Variants in TRARG1 observed in about 807,000 individuals in gnomAD.
TRARG1 encodes the protein trafficking regulator of GLUT4 (SLC2A4) 1 (gene/pseudogene), also known as trafficking regulator of GLUT4 1.
A neutral mutation model predicts 13.3 loss-of-function variants in TRARG1; 16 were observed. The observed-to-expected ratio is 1.20, with a 90% confidence interval of 0.81 to 1.83. The LOEUF (loss-of-function observed/expected upper bound fraction) is 1.83. Ranked by LOEUF, TRARG1 falls within the 40% of genes most tolerant of loss-of-function variation. TRARG1 has a pLI of 0.00. For synonymous variants in TRARG1, 113 were observed against 106.2 expected (o/e 1.06, Z -0.39); for missense variants, 250 against 237.4 (o/e 1.05, Z -0.35).
At chr17:1,281,247 GA>G (rs1332254108) in intron 1 of TRARG1, among the ~76,000 whole-genome samples, 3 of 152,192 alleles carry the variant, frequency 2.0e-5, no homozygotes, top group Non-Finnish European at 4.4e-5. Flanking sequence ...AGTCCAGGAA[GA>G]AGCGAGAGTT....
intron 1 of TRARG1, among the ~76,000 whole-genome samples, chr17:1,290,336 C>T (rs2072060843): frequency 1.3e-5 from 2 of 152,170 alleles, no homozygotes; most frequent in Non-Finnish European, 2.9e-5. Flanking sequence ...CGCTCTGTTG[C>T]CCAGGCTGGA....
intron 1 of TRARG1, among the ~76,000 whole-genome samples, chr17:1,287,950 G>C (rs919593779): frequency 6.6e-6 from 1 of 151,924 alleles, no homozygotes; most frequent in African/African-American, 2.4e-5. Flanking sequence ...ACTGCACCTG[G>C]CCCTCTCATC....
Position 1,280,319 on chromosome 17 carries a change from C to T in TRARG1, c.318C>T (p.Ile106=), listed in dbSNP as rs2071963859. 1.9e-6 allele frequency: 3 copies of T among 1,613,656 alleles called. No homozygotes were observed. The highest frequency in any genetic ancestry group is 1.7e-5 in the Admixed American group (1 of 59,958). Residue 106 remains isoleucine, a synonymous_variant, in exon 1 of 3, where the codon ATC becomes ATT. Coordinates refer to ENST00000333813, the MANE Select transcript of TRARG1 (RefSeq NM_172367.3). ...QDQEAPRDYL[I]LAVVACFCPV... is the part of the protein sequence containing the mutation. ...AAGAAGCCCCCAGAGATTACCTCAT[C>T]CTGGCCGTCGTCGCCTGCTTCTGCC...
intron 1 of TRARG1, among the ~76,000 whole-genome samples, chr17:1,286,500 A>G (rs796326305): frequency 5.6e-3 from 474 of 84,366 alleles, no homozygotes; most frequent in African/African-American, 0.018. Context: ...TGTTTTTATC[A>G]GCCTGTGGGG....
chr17:1,281,943 T>C (rs939878346), intron 1 of TRARG1, among the ~76,000 whole-genome samples: 13 of 152,006 alleles, frequency 8.6e-5, no homozygotes, highest in African/African-American at 2.9e-4. Context: ...TACATGTACA[T>C]ATATGCACAT....
intron 1 of TRARG1, among the ~76,000 whole-genome samples, chr17:1,281,969 C>A (rs918189671): frequency 6.7e-6 from 1 of 149,050 alleles, no homozygotes; most frequent in Non-Finnish European, 1.5e-5. Context: ...TACATATATG[C>A]ACACGTGTAC....
chr17:1,282,288 A>ATGCG lies in TRARG1; in HGVS notation c.387+1901_387+1902insGCGT, dbSNP rs1201723485. Among the ~76,000 whole-genome samples the ATGCG allele has an allele frequency of 1.5e-3, 217 of 149,582 alleles. 3 individuals are homozygous for ATGCG. The highest frequency in any genetic ancestry group is 8.9e-3 in the East Asian group (45 of 5,038). ...TACATATATGCACGTATATGTACAT[A>ATGCG]TATGTACGTATATGTACATATGCGT... On this transcript the variant is annotated intron_variant, in intron 1 of 2. Coordinates refer to ENST00000333813, the MANE Select transcript of TRARG1 (RefSeq NM_172367.3).
chr17:1,290,723 T>G (rs1284234220), intron 1 of TRARG1, among the ~76,000 whole-genome samples: 5 of 152,016 alleles, frequency 3.3e-5, no homozygotes, highest in Non-Finnish European at 7.4e-5. Context: ...CCTGCCTCAC[T>G]GGAGTGTTAG....
At chr17:1,282,215 T>TAC (rs1335678465) in intron 1 of TRARG1, among the ~76,000 whole-genome samples, 27 of 100,018 alleles carry the variant, frequency 2.7e-4, no homozygotes, top group African/African-American at 1.0e-3. Flanking sequence ...TATATGTACG[T>TAC]ATACACGTGC....
At chr17:1,294,487 T>TTTTTTTG (rs56929786) in intron 1 of TRARG1, among the ~76,000 whole-genome samples, 3 of 129,270 alleles carry the variant, frequency 2.3e-5, no homozygotes, top group Non-Finnish European at 3.3e-5. Flanking sequence ...TTTTTTTTTT[T>TTTTTTTG]GAGGCAGTCT....
chr17:1,293,616 T>G (rs867716341), intron 1 of TRARG1, among the ~76,000 whole-genome samples: 2 of 141,142 alleles, frequency 1.4e-5, no homozygotes, highest in East Asian at 2.1e-4. Flanking sequence ...TCGTGGGTTG[T>G]GTTTGATGAT....
Position 1,282,024 on chromosome 17 carries a change from A to G in TRARG1, c.387+1636A>G, listed in dbSNP as rs8082159. Reference sequence around the variant, plus strand: ...GATATACACATATGTACATATACATATGTACATATATACACACATATGTAC... The same window carrying G: ...GATATACACATATGTACATATACATGTGTACATATATACACACATATGTAC... On this transcript the variant is annotated intron_variant, in intron 1 of 2. Coordinates refer to ENST00000333813, the MANE Select transcript of TRARG1 (RefSeq NM_172367.3). 5.4e-3 allele frequency among the ~76,000 whole-genome samples: 766 copies of G among 142,414 alleles called. 4 individuals carry two copies. The highest frequency in any genetic ancestry group is 0.017 in the African/African-American group (677 of 39,666). The allele number at this position is 142,414 out of a possible 152,430, so 93.4% of individuals were successfully genotyped here.
Position 1,299,700 on chromosome 17 carries a change from C to T in TRARG1, c.*1436C>T, listed in dbSNP as rs1454037805. The T allele has an allele frequency of 2.0e-5, 3 of 152,318 alleles. No homozygotes were observed. Among genetic ancestry groups the T allele is most frequent in the Non-Finnish European group, 4.4e-5 (3 of 68,180 alleles). 9.4% of individuals were successfully genotyped at this position (152,318 alleles called of 1,614,324 possible). On this transcript the variant is annotated 3_prime_UTR_variant, in exon 3 of 3. Transcript: ENST00000333813. Reference sequence around the variant, plus strand: ...CTGGAGACCTCCAGGCTTTCCTGCCCTGGGCAGCCCCACCTCACAGCCAGA... The same window carrying T: ...CTGGAGACCTCCAGGCTTTCCTGCCTTGGGCAGCCCCACCTCACAGCCAGA...
rs2072129882 is a variant in TRARG1, at chr17:1,298,621, A to C, written c.*357A>C. On this transcript the variant is annotated 3_prime_UTR_variant, in exon 3 of 3. Coordinates refer to ENST00000333813, the MANE Select transcript of TRARG1 (RefSeq NM_172367.3). ...AATGAGGAAAAAACCCAGCCCCACAAACGAGACACACGCTGGCGGGGAGAG... is the reference window on the plus strand; with the variant it reads ...AATGAGGAAAAAACCCAGCCCCACACACGAGACACACGCTGGCGGGGAGAG... 2.4e-5 allele frequency: 7 copies of C among 287,970 alleles called. No individual in the cohort carries two copies. Among genetic ancestry groups the C allele is most frequent in the East Asian group, 6.0e-5 (1 of 16,696 alleles). The allele number at this position is 287,970 out of a possible 1,614,324, so 17.8% of individuals were successfully genotyped here.
rs1227053333 is a variant in TRARG1, at chr17:1,299,427, G to A, written c.*1163G>A. The A allele has an allele frequency of 6.6e-6, 1 of 152,236 alleles. No homozygotes were observed. The highest frequency in any genetic ancestry group is 1.5e-5 in the Non-Finnish European group (1 of 68,076). 9.4% of individuals were successfully genotyped at this position (152,236 alleles called of 1,614,324 possible). The stretch of plus-strand genomic sequence containing the variant: ...GACCGAGGGAAGGGCTCAGCTGAAG[G>A]ACCCCGTCTGCAGGAGAGTCGGGGG... On this transcript the variant is annotated 3_prime_UTR_variant, in exon 3 of 3. Coordinates refer to ENST00000333813, the MANE Select transcript of TRARG1 (RefSeq NM_172367.3).
At chr17:1,293,833 C>A (rs2072092239) in intron 1 of TRARG1, among the ~76,000 whole-genome samples, 1 of 151,986 alleles carries the variant, frequency 6.6e-6, no homozygotes, top group Non-Finnish European at 1.5e-5. Context: ...CAAGAGGGCA[C>A]CTGCAGAGAG....
At chr17:1,283,758 G>A (rs960264404) in intron 1 of TRARG1, among the ~76,000 whole-genome samples, 7 of 150,108 alleles carry the variant, frequency 4.7e-5, no homozygotes, top group African/African-American at 9.8e-5. Context: ...GCAGTGAGCC[G>A]AGATCCAGCC....
chr17:1,296,802 C>T (rs896240312), intron 2 of TRARG1, among the ~76,000 whole-genome samples: 11 of 152,026 alleles, frequency 7.2e-5, no homozygotes, highest in Admixed American at 1.3e-4. Context: ...CCTGCCACCA[C>T]GCCCGGCTAA....
intron 1 of TRARG1, among the ~76,000 whole-genome samples, chr17:1,282,011 T>C (rs958467652): frequency 6.7e-6 from 1 of 148,606 alleles, no homozygotes; most frequent in East Asian, 2.0e-4. Flanking sequence ...TATACACATA[T>C]GTACATATAC....
Sources: gnomAD v4.1 joint callset for allele counts (sites outside exome capture counted in the v4.1 genomes callset) on GRCh38, gnomAD v4.1.1 for gene constraint, MANE v1.5 for transcripts, NCBI Gene and HGNC (gene_info 2026-07-23, HGNC 2026-07-21) for gene names.